Variants in SUGCT observed in about 807,000 individuals in gnomAD.
SUGCT encodes the protein succinyl-CoA:glutarate-CoA transferase.
SUGCT carries 41 observed loss-of-function variants against 55.0 expected under a neutral mutation model. The ratio of observed to expected loss-of-function variants is 0.74; its 90% CI spans 0.58 to 0.97. SUGCT has a LOEUF of 0.97. SUGCT is among the 50% of genes least tolerant of loss of function. SUGCT has a pLI of 0.00. For synonymous variants in SUGCT, 187 were observed against 200.4 expected (o/e 0.93, Z 0.56); for missense variants, 568 against 547.8 (o/e 1.04, Z -0.37).
chr7:40,216,596 A>G (rs74838880), intron 6 of SUGCT, among the ~76,000 whole-genome samples: 1 of 151,736 alleles, frequency 6.6e-6, no homozygotes, highest in Admixed American at 6.6e-5. Flanking sequence ...TCACACATGT[A>G]ATCTCAGCAC....
At chr7:40,916,001 G>C in the SUGCT span, among the ~76,000 whole-genome samples, 33 of 106,172 alleles carry the variant, frequency 3.1e-4, no homozygotes, top group African/African-American at 1.5e-3. Context: ...TTTCTTTCTG[G>C]AGACTGAGTG....
At chr7:40,571,799 A>G (rs1290180130) in intron 12 of SUGCT, among the ~76,000 whole-genome samples, 1 of 152,220 alleles carries the variant, frequency 6.6e-6, no homozygotes, top group East Asian at 1.9e-4. Flanking sequence ...TGGTATTCTT[A>G]AATTCTTTGG....
At chr7:40,377,198 C>T (rs866431456) in intron 9 of SUGCT, among the ~76,000 whole-genome samples, 1 of 16,556 alleles carries the variant, frequency 6.0e-5, no homozygotes, top group East Asian at 0.013. Flanking sequence ...TTCTTTCTTT[C>T]TTTTCTTTTC....
intron 6 of SUGCT, 137 bp from the exon 7 acceptor site, chr7:40,237,498 T>C: frequency 1.5e-6 from 1 of 676,750 alleles, no homozygotes; most frequent in African/African-American, 1.8e-5. Context: ...TACTGCCTTC[T>C]TCAAGGAATG....
intron 12 of SUGCT, among the ~76,000 whole-genome samples, chr7:40,580,017 A>G (rs1584039061): frequency 6.6e-6 from 1 of 152,202 alleles, no homozygotes; most frequent in Admixed American, 6.5e-5. Context: ...TGCCAAATAG[A>G]CACTGTGAGG....
At chr7:40,473,965 T>TTC (rs145297020) in intron 11 of SUGCT, among the ~76,000 whole-genome samples, 70 of 150,446 alleles carry the variant, frequency 4.7e-4, no homozygotes, top group African/African-American at 1.5e-3. Context: ...CCATTTCCCC[T>TTC]TCTCTCTCTC....
intron 8 of SUGCT, among the ~76,000 whole-genome samples, chr7:40,305,903 A>C (rs1008001444): frequency 6.6e-6 from 1 of 152,100 alleles, no homozygotes; most frequent in Admixed American, 6.6e-5. Flanking sequence ...GAGTTCAAGC[A>C]GTCCTCCTGT....
Position 40,596,205 on chromosome 7 carries a change from A to G in SUGCT, c.1089+99819A>G, listed in dbSNP as rs146035145. Among the ~76,000 whole-genome samples the G allele has an allele frequency of 2.9e-3, 444 of 152,222 alleles. 3 individuals carry two copies. Among genetic ancestry groups the G allele is most frequent in the African/African-American group, 9.8e-3 (409 of 41,538 alleles). On this transcript the variant is annotated intron_variant, in intron 12 of 13. Transcript: ENST00000335693. ...TTAGAAACCATTTCTTATCCTTTTC[A>G]TTGCTTTTTACACATTTCCTTTATA...
At chr7:40,830,467 C>T (rs1362653760) in intron 13 of SUGCT, among the ~76,000 whole-genome samples, 1 of 152,138 alleles carries the variant, frequency 6.6e-6, no homozygotes, top group African/African-American at 2.4e-5. Context: ...ACCCTGACAG[C>T]CTGGCCTTTA....
At chr7:40,229,728 C>G (rs1788607189) in intron 6 of SUGCT, among the ~76,000 whole-genome samples, 1 of 150,158 alleles carries the variant, frequency 6.7e-6, no homozygotes, top group Non-Finnish European at 1.5e-5. Context: ...GCAGGAGAAT[C>G]ACTTGAACCT....
the SUGCT span, among the ~76,000 whole-genome samples, chr7:40,985,522 G>T: frequency 2.4e-4 from 36 of 152,274 alleles, no homozygotes; most frequent in East Asian, 6.8e-3. Flanking sequence ...AGTTAAATTT[G>T]AGTGCAGTGT....
chr7:40,920,765 GA>G, the SUGCT span, among the ~76,000 whole-genome samples: 1 of 152,172 alleles, frequency 6.6e-6, no homozygotes. Flanking sequence ...GATATTATCA[GA>G]GAGCAAAGGA....
At chr7:40,670,999 A>G (rs1467983888) in intron 12 of SUGCT, among the ~76,000 whole-genome samples, 1 of 152,220 alleles carries the variant, frequency 6.6e-6, no homozygotes, top group East Asian at 1.9e-4. Flanking sequence ...AATACTTAAA[A>G]TATTAGCAAA....
At chr7:40,874,399 A>G in the SUGCT span, among the ~76,000 whole-genome samples, 2 of 152,196 alleles carry the variant, frequency 1.3e-5, no homozygotes, top group Admixed American at 6.5e-5. Flanking sequence ...ATTTTGTTCT[A>G]TATATCTCTG....
chr7:40,723,509 A>T (rs1047339670), intron 12 of SUGCT, among the ~76,000 whole-genome samples: 1 of 152,188 alleles, frequency 6.6e-6, no homozygotes, highest in Non-Finnish European at 1.5e-5. Flanking sequence ...GCAGCAGATG[A>T]CTGCTTAGCC....
chr7:40,950,442 C>G, the SUGCT span, among the ~76,000 whole-genome samples: 1 of 152,260 alleles, frequency 6.6e-6, no homozygotes, highest in Non-Finnish European at 1.5e-5. Flanking sequence ...ATTGAATACA[C>G]TTTATTTCTT....
chr7:40,189,523 T>C (rs1266568576), intron 4 of SUGCT, 21 bp from the exon 5 acceptor site: 1 of 902,950 alleles, frequency 1.1e-6, no homozygotes. Flanking sequence ...AATATATATA[T>C]ATATATTTTT....
At chr7:40,521,754 T>C (rs1793542178) in intron 12 of SUGCT, among the ~76,000 whole-genome samples, 1 of 152,118 alleles carries the variant, frequency 6.6e-6, no homozygotes, top group Non-Finnish European at 1.5e-5. Flanking sequence ...TAATGTAGTA[T>C]AGGGATGAAT....
chr7:40,465,437 C>T (rs1390141578), intron 11 of SUGCT, among the ~76,000 whole-genome samples: 1 of 151,974 alleles, frequency 6.6e-6, no homozygotes, highest in Admixed American at 6.5e-5. Context: ...TGGTGAAACC[C>T]TGTCTCTACT....
Sources: allele counts gnomAD v4.1 joint callset (sites outside exome capture counted in the v4.1 genomes callset), GRCh38; gene constraint gnomAD v4.1.1; transcripts MANE v1.5; gene names NCBI Gene and HGNC (gene_info 2026-07-23, HGNC 2026-07-21).